NTM: variants seen among roughly 807,000 people sequenced by gnomAD.
NTM encodes the protein IgLON family member 2.
Under a neutral mutation model 42.1 loss-of-function variants are expected in NTM, and 13 were observed. The ratio of observed to expected loss-of-function variants is 0.31; its 90% CI spans 0.20 to 0.49. The LOEUF (loss-of-function observed/expected upper bound fraction) is 0.49, where lower values mean the gene tolerates loss of function less well. Ranked by LOEUF, NTM falls within the 20% of genes least tolerant of loss-of-function variation. The pLI, the probability that NTM is intolerant of heterozygous loss-of-function variation, is 0.99. For missense variants in NTM, 373 were observed against 452.8 expected, an observed-to-expected ratio of 0.82 and a Z score of 1.60; for synonymous variants, 187 against 179.2, an observed-to-expected ratio of 1.04 and a Z score of -0.35.
chr11:131,705,976 C>A (rs1014316150), intron 1 of NTM, among the ~76,000 whole-genome samples: 20 of 152,102 alleles, frequency 1.3e-4, no homozygotes, highest in Admixed American at 1.0e-3. Flanking sequence ...AGAACAAGTC[C>A]TTATCTATCA....
At chr11:131,586,052 T>C (rs2058828813) in intron 1 of NTM, among the ~76,000 whole-genome samples, 1 of 151,644 alleles carries the variant, frequency 6.6e-6, no homozygotes, top group Non-Finnish European at 1.5e-5. Context: ...CACACTGTCA[T>C]AGGTAATCTC....
chr11:131,782,610 T>C (rs1286835363), intron 1 of NTM, among the ~76,000 whole-genome samples: 1 of 152,114 alleles, frequency 6.6e-6, no homozygotes, highest in African/African-American at 2.4e-5. Context: ...GACAATGTAT[T>C]ACACAATTAA....
chr11:131,862,083 C>T (rs2046694295), intron 1 of NTM, among the ~76,000 whole-genome samples: 1 of 152,160 alleles, frequency 6.6e-6, no homozygotes. Flanking sequence ...GGTAAATCTA[C>T]AAGGATCTTT....
intron 1 of NTM, among the ~76,000 whole-genome samples, chr11:131,585,842 A>G (rs1284659998): frequency 6.6e-6 from 1 of 152,042 alleles, no homozygotes; most frequent in East Asian, 1.9e-4. Context: ...GCTCCAGGCC[A>G]TGTTGATTTG....
chr11:131,894,214 C>G (rs1430728672), intron 1 of NTM, among the ~76,000 whole-genome samples: 1 of 152,178 alleles, frequency 6.6e-6, no homozygotes, highest in Non-Finnish European at 1.5e-5. Context: ...ACATGCTTGC[C>G]TAATTAGGAG....
At chr11:131,668,541 C>G (rs368468877) in intron 1 of NTM, among the ~76,000 whole-genome samples, 1 of 152,092 alleles carries the variant, frequency 6.6e-6, no homozygotes, top group East Asian at 1.9e-4. Flanking sequence ...TGGATAGGAA[C>G]AAGGGGCAGG....
chr11:131,984,597 A>C (rs897146272), intron 2 of NTM: 3 of 152,196 alleles, frequency 2.0e-5, no homozygotes, highest in Non-Finnish European at 4.4e-5. Flanking sequence ...TTGGGGGCTG[A>C]ATGAATTATC....
intron 3 of NTM, among the ~76,000 whole-genome samples, chr11:132,189,667 CAG>C (rs1491021544): frequency 6.6e-6 from 1 of 151,644 alleles, no homozygotes; most frequent in Non-Finnish European, 1.5e-5. Context: ...CACACACACA[CAG>C]ACACACACGA....
Position 131,849,801 on chromosome 11 carries a change from T to A in NTM, c.83-61763T>A, listed in dbSNP as rs185695381. On this transcript the variant is annotated intron_variant, in intron 1 of 8. Transcript: ENST00000683400. ...ATACATGGACACAGGAAGGGGAACA[T>A]CACACACCGGGGACTGTTGTGGGGT... 7.0e-3 allele frequency among the ~76,000 whole-genome samples: 889 copies of A among 127,220 alleles called. 6 individuals are homozygous for A. The highest frequency in any genetic ancestry group is 0.01 in the Non-Finnish European group (640 of 62,712). The allele number at this position is 127,220 out of a possible 152,430, so 83.5% of individuals were successfully genotyped here.
chr11:131,948,398 G>GAAAACAAAAAAAA (rs1486299687), intron 2 of NTM, among the ~76,000 whole-genome samples: 38 of 149,422 alleles, frequency 2.5e-4, no homozygotes, highest in Non-Finnish European at 4.6e-4. Flanking sequence ...ACAAAAAAAA[G>GAAAACAAAAAAAA]AAGTGAAGCC....
intron 2 of NTM, among the ~76,000 whole-genome samples, chr11:131,944,736 C>G (rs986110995): frequency 6.6e-6 from 1 of 152,166 alleles, no homozygotes; most frequent in Admixed American, 6.5e-5. Flanking sequence ...TTTATTTAAG[C>G]AAATGTGTAC....
chr11:132,238,605 G>A (rs1197758926), intron 4 of NTM, among the ~76,000 whole-genome samples: 1 of 152,152 alleles, frequency 6.6e-6, no homozygotes, highest in Non-Finnish European at 1.5e-5. Context: ...CAGCCTCCCA[G>A]AGCTCTGGCC....
In NTM at chr11:131,993,429, A is replaced by G. The variant is rs544803273; in HGVS notation, c.167+81781A>G. Among the ~76,000 whole-genome samples the G allele has an allele frequency of 3.3e-5, 5 of 152,214 alleles. No individual in the cohort carries two copies. In the South Asian group the frequency reaches 1.0e-3, roughly 32 times the overall value. On this transcript the variant is annotated intron_variant, in intron 2 of 8. Transcript: ENST00000683400. ...GGTAATTAAGTGATGGAGGGGGAGA[A>G]ATGGGACTTGTAGTAGAGGATGACA...
At chr11:131,508,685 C>T (rs1317181073) in intron 1 of NTM, among the ~76,000 whole-genome samples, 1 of 150,918 alleles carries the variant, frequency 6.6e-6, no homozygotes, top group African/African-American at 2.5e-5. Flanking sequence ...CACATATACA[C>T]CATGGAATAC....
In NTM at chr11:132,146,601, G is replaced by C; in HGVS notation, c.400+87G>C. ...GGTTTGTTCTCTGATCCTCAACAGA[G>C]ATGAGTTATCCTTATTCTACGCATC... On this transcript the variant is annotated intron_variant, in intron 3 of 8. Transcript: ENST00000683400. This position sits in a 1 kb window ranked among gnomAD's most constrained non-coding sequence, Gnocchi z 4.5. 7.1e-7 allele frequency: 1 copy of C among 1,399,398 alleles called. No homozygotes were observed. Among genetic ancestry groups the C allele is most frequent in the Non-Finnish European group, 9.8e-7 (1 of 1,021,664 alleles). The allele number at this position is 1,399,398 out of a possible 1,614,324, so 86.7% of individuals were successfully genotyped here. A position where few individuals can be genotyped will look rare whatever the true frequency, so the allele number is the denominator to read the frequency against.
chr11:132,134,583 T>G (rs2067414350), intron 2 of NTM, among the ~76,000 whole-genome samples: 1 of 150,668 alleles, frequency 6.6e-6, no homozygotes, highest in African/African-American at 2.4e-5. Flanking sequence ...TATATATGAC[T>G]CATATGACAT....
chr11:132,144,771 G>A (rs2069985033), intron 2 of NTM, among the ~76,000 whole-genome samples: 1 of 152,164 alleles, frequency 6.6e-6, no homozygotes, highest in Non-Finnish European at 1.5e-5. Context: ...GTGCCAGAGA[G>A]AGCCCACCTC....
intron 1 of NTM, among the ~76,000 whole-genome samples, chr11:131,464,956 G>A (rs1951752457): frequency 6.6e-6 from 1 of 152,204 alleles, no homozygotes; most frequent in Non-Finnish European, 1.5e-5. Flanking sequence ...ATTTAGGAGT[G>A]GAGGCCATTA....
intron 1 of NTM, among the ~76,000 whole-genome samples, chr11:131,500,505 G>A (rs1450253173): frequency 1.4e-5 from 2 of 146,752 alleles, no homozygotes; most frequent in Admixed American, 6.9e-5. Flanking sequence ...GGCATAGAAA[G>A]GTGAAGTCAT....
Sources: gnomAD v4.1 joint callset for allele counts (sites outside exome capture counted in the v4.1 genomes callset) on GRCh38, gnomAD v4.1.1 for gene constraint, Gnocchi (gnomAD v3.1) non-coding constraint, MANE v1.5 for transcripts, NCBI Gene and HGNC (gene_info 2026-07-23, HGNC 2026-07-21) for gene names.